Variants in RIC1 observed in about 807,000 individuals in gnomAD.
RIC1 encodes guanine nucleotide exchange factor subunit RIC1.
RIC1 carries 88 observed loss-of-function variants against 169.0 expected under a neutral mutation model. That is an observed-to-expected ratio of 0.52 (90% CI 0.44 to 0.62). RIC1 has a LOEUF of 0.62. Ranked by LOEUF, RIC1 falls within the 20% of genes least tolerant of loss-of-function variation. The pLI, the probability that RIC1 is intolerant of heterozygous loss-of-function variation, is 0.00. For missense variants in RIC1, 1,877 were observed against 1,725.5 expected (o/e 1.09, Z -1.56); for synonymous variants, 790 against 601.5 (o/e 1.31, Z -4.59).
intron 6 of RIC1, among the ~76,000 whole-genome samples, chr9:5,726,932 C>T (rs1824031850): frequency 6.6e-6 from 1 of 152,338 alleles, no homozygotes; most frequent in African/African-American, 2.4e-5. Flanking sequence ...TGCTGTTAGT[C>T]TGATAGGCTT....
At chr9:5,647,955 G>T (rs2130374375) in intron 1 of RIC1, among the ~76,000 whole-genome samples, 1 of 130,194 alleles carries the variant, frequency 7.7e-6, no homozygotes, top group Middle Eastern at 3.7e-3. Context: ...TGGTGGTGGT[G>T]GTGGTGGTGG....
rs1455656284 is a variant in RIC1, at chr9:5,772,921, G to A, written c.3824G>A (p.Gly1275Glu). 1 of 1,611,762 alleles carries A rather than the reference G, an allele frequency of 6.2e-7. No individual in the cohort carries two copies. Residue 1275 changes from glycine (G) to glutamate (E), a missense_variant, in exon 25 of 26, where the codon GGG becomes GAG. Coordinates refer to ENST00000414202, the MANE Select transcript of RIC1 (RefSeq NM_020829.4). ...TTGCTACACATTTTCATGGAGGCAG[G>A]GTGCCTAGACTGGTGCATCGTTATA... ...RYLLHIFMEAGCLDWCIVIGL... is the reference protein window; with the variant it reads ...RYLLHIFMEAECLDWCIVIGL...
At chr9:5,719,911 A>T (rs1365548627) in intron 4 of RIC1, among the ~76,000 whole-genome samples, 1 of 152,012 alleles carries the variant, frequency 6.6e-6, no homozygotes, top group Admixed American at 6.6e-5. Flanking sequence ...TTCTGTTTCC[A>T]TCTTCTAATT....
intron 6 of RIC1, among the ~76,000 whole-genome samples, chr9:5,730,371 C>A (rs35339718): frequency 0.02 from 2,997 of 152,210 alleles, 36 homozygotes; most frequent in Non-Finnish European, 0.025. Flanking sequence ...AATATTTAAG[C>A]CTACAATGAA....
rs956214616 is a variant in RIC1, at chr9:5,705,470, C to T, written c.333-8426C>T. On this transcript the variant is annotated intron_variant, in intron 3 of 25. Transcript: ENST00000414202. ...TATTGCTAGCGTAGAGAAATATATACGATTTCTGTGTTGATCATGTACTAC... is the reference window on the plus strand; with the variant it reads ...TATTGCTAGCGTAGAGAAATATATATGATTTCTGTGTTGATCATGTACTAC... Among the ~76,000 whole-genome samples the T allele has an allele frequency of 2.6e-5, 4 of 151,876 alleles. No homozygotes were observed. In the South Asian group the frequency reaches 6.2e-4, roughly 24 times the overall value.
At chr9:5,669,192 C>A (rs775910553) in intron 2 of RIC1, among the ~76,000 whole-genome samples, 3 of 152,152 alleles carry the variant, frequency 2.0e-5, no homozygotes, top group Non-Finnish European at 4.4e-5. Flanking sequence ...ATTTCCTTAT[C>A]CTACTCCCAA....
intron 22 of RIC1, chr9:5,769,536 C>G: frequency 8.9e-7 from 1 of 1,118,010 alleles, no homozygotes; most frequent in Non-Finnish European, 1.2e-6. Flanking sequence ...AATATAAAAG[C>G]TACCATGCTT....
At chr9:5,681,374 G>T (rs926375124) in intron 2 of RIC1, among the ~76,000 whole-genome samples, 5 of 152,082 alleles carry the variant, frequency 3.3e-5, no homozygotes, top group Non-Finnish European at 5.9e-5. Context: ...CTTTGTTCTC[G>T]TTGGTTTCAA....
At chr9:5,676,148 C>T (rs1820427112) in intron 2 of RIC1, among the ~76,000 whole-genome samples, 1 of 152,162 alleles carries the variant, frequency 6.6e-6, no homozygotes, top group Non-Finnish European at 1.5e-5. Flanking sequence ...ATCTCCTGGA[C>T]TTAAGTGATA....
chr9:5,645,123 G>A (rs185958629), intron 1 of RIC1, among the ~76,000 whole-genome samples: 3 of 151,904 alleles, frequency 2.0e-5, no homozygotes, highest in African/African-American at 7.2e-5. Flanking sequence ...ATCTGATCTT[G>A]GGTCACTGCA....
chr9:5,771,886 C>G (rs1230263160), intron 23 of RIC1, among the ~76,000 whole-genome samples: 1 of 152,188 alleles, frequency 6.6e-6, no homozygotes, highest in East Asian at 1.9e-4. Flanking sequence ...CTTGTATTAA[C>G]TGAAGAAAAT....
intron 1 of RIC1, among the ~76,000 whole-genome samples, chr9:5,647,187 C>A (rs961295838): frequency 3.3e-5 from 5 of 152,104 alleles, no homozygotes; most frequent in Admixed American, 6.5e-5. Context: ...TATCCTTGTG[C>A]CAGTACGACA....
intron 6 of RIC1, among the ~76,000 whole-genome samples, chr9:5,729,888 A>G (rs1237440103): frequency 6.6e-6 from 1 of 152,008 alleles, no homozygotes; most frequent in African/African-American, 2.4e-5. Flanking sequence ...ATTTGTAATT[A>G]TCTTTGGGAC....
intron 2 of RIC1, among the ~76,000 whole-genome samples, chr9:5,676,025 T>C (rs889730401): frequency 6.6e-6 from 1 of 152,244 alleles, no homozygotes; most frequent in East Asian, 1.9e-4. Context: ...TAGGCCATGC[T>C]AACTTTAGGA....
intron 1 of RIC1, among the ~76,000 whole-genome samples, chr9:5,649,401 T>C (rs1212094224): frequency 2.0e-5 from 3 of 152,120 alleles, no homozygotes; most frequent in Non-Finnish European, 4.4e-5. Flanking sequence ...TTTATTCTTG[T>C]TTTGTTTTCT....
Position 5,666,543 on chromosome 9 carries a change from A to T in RIC1, c.252+9853A>T, listed in dbSNP as rs79484451. Among the ~76,000 whole-genome samples the T allele has an allele frequency of 3.7e-3, 560 of 152,100 alleles. 2 individuals carry two copies. The highest frequency in any genetic ancestry group is 0.013 in the African/African-American group (546 of 41,466). On this transcript the variant is annotated intron_variant, in intron 2 of 25. Transcript: ENST00000414202. ...AGGTTTTTCATATATGGTCTTTATTATGTTGAGGTTATTTACTTCTGTTCT... is the reference window on the plus strand; with the variant it reads ...AGGTTTTTCATATATGGTCTTTATTTTGTTGAGGTTATTTACTTCTGTTCT...
chr9:5,747,427 G>C lies in RIC1; in HGVS notation c.1374G>C (p.Lys458Asn), dbSNP rs766097669. 1.9e-6 allele frequency: 3 copies of C among 1,614,108 alleles called. No individual in the cohort carries two copies. Among genetic ancestry groups the C allele is most frequent in the East Asian group, 4.5e-5 (2 of 44,876 alleles). ...CTGAGCATAAGCCCAGTCGAGAAAA[G>C]AGCCCATTTGCAGATGGAGGTTTAG... Reference protein sequence around the residue: ...THSEHKPSREKSPFADGGLES... With the variant: ...THSEHKPSRENSPFADGGLES... Residue 458 changes from lysine to asparagine, a missense_variant, in exon 12 of 26, where the codon AAG becomes AAC. Physicochemically the swap from Lys to Asn is moderately conservative, Grantham distance 94. Around this residue, in one of 3 missense-constraint regions of RIC1, gnomAD observed 1,104 missense variants for 992.0 expected, o/e 1.11. Transcript: ENST00000414202.
intron 1 of RIC1, among the ~76,000 whole-genome samples, chr9:5,635,494 C>T (rs1457636879): frequency 3.3e-5 from 5 of 152,144 alleles, no homozygotes; most frequent in African/African-American, 9.7e-5. Context: ...ACTATATATG[C>T]ATGCGTGGTT....
chr9:5,665,226 C>G (rs747879497), intron 2 of RIC1, among the ~76,000 whole-genome samples: 1 of 151,172 alleles, frequency 6.6e-6, no homozygotes, highest in Non-Finnish European at 1.5e-5. Flanking sequence ...CAGTTAACTT[C>G]CTCTCTAAAC....
Sources: allele counts gnomAD v4.1 joint callset (sites outside exome capture counted in the v4.1 genomes callset), GRCh38; gene constraint gnomAD v4.1.1; regional missense constraint gnomAD v4.1.1; transcripts MANE v1.5; gene names NCBI Gene and HGNC (gene_info 2026-07-23, HGNC 2026-07-21).